NMNAT3: variants seen among roughly 807,000 people sequenced by gnomAD.
NMNAT3 encodes the protein nicotinamide/nicotinic acid mononucleotide adenylyltransferase 3.
In NMNAT3, 21 loss-of-function variants were observed where a neutral mutation model predicts 24.8. The observed-to-expected ratio is 0.85, with a 90% CI of 0.60 to 1.22. NMNAT3 has a LOEUF of 1.22. Ranked by LOEUF, NMNAT3 falls within the 50% of genes most tolerant of loss-of-function variation. The pLI is 0.00. For missense variants in NMNAT3, 387 were observed against 436.6 expected, an observed-to-expected ratio of 0.89 and a Z score of 1.01; for synonymous variants, 136 against 155.2, an observed-to-expected ratio of 0.88 and a Z score of 0.92.
rs758682145 is a variant in NMNAT3 at position 139,561,080 on chromosome 3, T to C, written c.971A>G (p.His324Arg). The C allele has an allele frequency of 3.7e-6, 6 of 1,614,026 alleles. No individual in the cohort carries two copies. Among genetic ancestry groups the C allele is most frequent in the Middle Eastern group, 1.7e-4 (1 of 6,034 alleles). The change falls in exon 7 of 7, where the codon CAT (histidine) becomes CGT (arginine). Residue 324 changes from histidine to arginine, a missense_variant. This residue lies in a region of NMNAT3 where 323 missense variants were observed against 345.2 expected (regional missense o/e 0.94). Coordinates refer to ENST00000643695, the MANE Select transcript of NMNAT3 (RefSeq NM_001320510.2). Reference sequence around the variant, plus strand: ...GGTACTGCCCTTGGTGTAGAGGCCATGGTCCTTGATGTACGTGATGACAGC... The same window carrying C: ...GGTACTGCCCTTGGTGTAGAGGCCACGGTCCTTGATGTACGTGATGACAGC...
intron 1 of NMNAT3, among the ~76,000 whole-genome samples, chr3:139,668,103 T>C (rs2057644007): frequency 6.6e-6 from 1 of 152,150 alleles, no homozygotes; most frequent in Non-Finnish European, 1.5e-5. Context: ...ATCTTGGGGA[T>C]GCCCCACTAA....
At chr3:139,630,375 A>T (rs2056243167) in intron 2 of NMNAT3, among the ~76,000 whole-genome samples, 1 of 152,204 alleles carries the variant, frequency 6.6e-6, no homozygotes, top group Non-Finnish European at 1.5e-5. Context: ...AGTTGGGGAT[A>T]CAAGTGTCTG....
intron 3 of NMNAT3, among the ~76,000 whole-genome samples, chr3:139,611,076 C>A (rs930229341): frequency 1.3e-5 from 2 of 152,010 alleles, no homozygotes; most frequent in Non-Finnish European, 2.9e-5. Flanking sequence ...AGGCTTTGGA[C>A]TGGGTTGTTA....
intron 1 of NMNAT3, among the ~76,000 whole-genome samples, chr3:139,656,117 C>G (rs969134449): frequency 3.3e-5 from 5 of 152,192 alleles, no homozygotes; most frequent in Non-Finnish European, 7.3e-5. Flanking sequence ...CCTTTCTGCC[C>G]TGGTTAGGGA....
chr3:139,644,270 A>G (rs114639286), intron 1 of NMNAT3, among the ~76,000 whole-genome samples: 1,837 of 152,330 alleles, frequency 0.012, 35 homozygotes, highest in African/African-American at 0.042. Flanking sequence ...AGGGAATAGG[A>G]AAAAATTCAC....
At chr3:139,599,941 C>A (rs1489877970) in intron 3 of NMNAT3, among the ~76,000 whole-genome samples, 1 of 152,202 alleles carries the variant, frequency 6.6e-6, no homozygotes, top group African/African-American at 2.4e-5. Flanking sequence ...AAAATGGAGC[C>A]TAGCCCTCTG....
chr3:139,568,285 A>AAAACC (rs2108018557), intron 6 of NMNAT3: 1 of 152,278 alleles, frequency 6.6e-6, no homozygotes, highest in Admixed American at 6.5e-5. Flanking sequence ...ATCCTTTCAA[A>AAAACC]AAACCAGCTC....
At chr3:139,653,858 A>G (rs2057142742) in intron 1 of NMNAT3, among the ~76,000 whole-genome samples, 1 of 152,242 alleles carries the variant, frequency 6.6e-6, no homozygotes, top group African/African-American at 2.4e-5. Context: ...GCAGCATTTC[A>G]GAGCAAGGTA....
chr3:139,596,956 ATATATATATT>A (rs1212042145), intron 3 of NMNAT3, among the ~76,000 whole-genome samples: 79 of 85,094 alleles, frequency 9.3e-4, no homozygotes, highest in African/African-American at 3.1e-3. Flanking sequence ...ATATATATAT[ATATATATATT>A]TTTATTACAT....
chr3:139,656,912 G>A (rs6762925), intron 1 of NMNAT3, among the ~76,000 whole-genome samples: 81,267 of 152,074 alleles, frequency 0.53, 22,163 homozygotes, highest in East Asian at 0.71. Context: ...CAAATCACTA[G>A]TAACTAAAAG....
intron 3 of NMNAT3, among the ~76,000 whole-genome samples, chr3:139,625,404 T>C (rs150651289): frequency 7.1e-4 from 108 of 152,292 alleles, no homozygotes; most frequent in Admixed American, 5.9e-3. Context: ...GTTCCCTGTT[T>C]CTTCTTTTTC....
chr3:139,652,205 C>G (rs1263876372), intron 1 of NMNAT3, among the ~76,000 whole-genome samples: 1 of 152,194 alleles, frequency 6.6e-6, no homozygotes, highest in Non-Finnish European at 1.5e-5. Context: ...TGCCCTGCAG[C>G]AGCCCGGGGC....
chr3:139,640,790 A>G (rs1302400253), intron 1 of NMNAT3, among the ~76,000 whole-genome samples: 2 of 152,242 alleles, frequency 1.3e-5, no homozygotes, highest in Non-Finnish European at 2.9e-5. Context: ...AGAAATTATA[A>G]GCCAAGCAGC....
At chr3:139,675,460 A>G (rs938408471) in intron 1 of NMNAT3, among the ~76,000 whole-genome samples, 30 of 152,172 alleles carry the variant, frequency 2.0e-4, no homozygotes, top group Admixed American at 3.9e-4. Context: ...GTTTTCTCCA[A>G]CTTTTGCTAC....
At chr3:139,598,794 T>C (rs2054588070) in intron 3 of NMNAT3, among the ~76,000 whole-genome samples, 1 of 152,182 alleles carries the variant, frequency 6.6e-6, no homozygotes, top group Non-Finnish European at 1.5e-5. Flanking sequence ...TTCCCATGGT[T>C]ATACTACCTG....
In NMNAT3 at chr3:139,648,587, G is replaced by A. The variant is rs567925092; in HGVS notation, c.-140-10525C>T. The stretch of plus-strand genomic sequence containing the variant: ...TTCTATAAATTAACCTCATAGTTTC[G>A]ATAGGGATGTGTAGGCATGTACATG... On this transcript the variant is annotated intron_variant, in intron 1 of 6. Transcript: ENST00000643695. Among the ~76,000 whole-genome samples, 6 of 152,320 alleles carry A rather than the reference G, an allele frequency of 3.9e-5. No individual in the cohort carries two copies. In the South Asian group the frequency reaches 1.0e-3, roughly 26 times the overall value.
chr3:139,581,526 A>G (rs2053614281), intron 4 of NMNAT3, among the ~76,000 whole-genome samples: 1 of 152,260 alleles, frequency 6.6e-6, no homozygotes, highest in African/African-American at 2.4e-5. Context: ...TGTATGACCT[A>G]TGGATACATG....
At chr3:139,664,762 C>A (rs1395785438) in intron 1 of NMNAT3, among the ~76,000 whole-genome samples, 1 of 152,180 alleles carries the variant, frequency 6.6e-6, no homozygotes, top group Non-Finnish European at 1.5e-5. Context: ...CCCAGAAAGC[C>A]TTCTTTAAAG....
intron 3 of NMNAT3, chr3:139,599,089 G>A (rs1312132890): frequency 6.1e-6 from 3 of 491,140 alleles, no homozygotes; most frequent in Admixed American, 3.7e-5. Context: ...CTCACAAACC[G>A]TGAAGCAAAG....
Sources: allele counts gnomAD v4.1 joint callset (sites outside exome capture counted in the v4.1 genomes callset), GRCh38; gene constraint gnomAD v4.1.1; regional missense constraint gnomAD v4.1.1; transcripts MANE v1.5; gene names NCBI Gene and HGNC (gene_info 2026-07-23, HGNC 2026-07-21).